Variants in RAB10 observed in about 807,000 individuals in gnomAD.
RAB10 encodes ras-related protein Rab-10.
A neutral mutation model predicts 25.7 loss-of-function variants in RAB10; 5 were observed. The ratio of observed to expected loss-of-function variants is 0.19; its 90% CI spans 0.10 to 0.41. The LOEUF (loss-of-function observed/expected upper bound fraction) is 0.41. RAB10 is among the 10% of genes least tolerant of loss of function. The probability of loss-of-function intolerance (pLI) is 1.00; values close to 1 mark genes in which losing one functional copy is unlikely to be tolerated. For missense variants in RAB10, 103 were observed against 245.8 expected (o/e 0.42, Z 3.89); for synonymous variants, 89 against 86.4 (o/e 1.03, Z -0.16).
At chr2:26,071,169 G>A (rs7569713) in intron 1 of RAB10, among the ~76,000 whole-genome samples, 149,415 of 152,310 alleles carry the variant, frequency 0.98, 73,307 homozygotes, top group African/African-American at 0.99. Flanking sequence ...TGAAATGGGA[G>A]GTAAATATAA....
At chr2:26,086,017 A>AGG (rs1376178404) in intron 1 of RAB10, among the ~76,000 whole-genome samples, 1,108 of 71,348 alleles carry the variant, frequency 0.016, 15 homozygotes, top group East Asian at 0.068. Context: ...AAAAAAAAAA[A>AGG]GGGGGGGGGC....
intron 1 of RAB10, among the ~76,000 whole-genome samples, chr2:26,072,239 A>G (rs1168703562): frequency 6.6e-6 from 1 of 152,130 alleles, no homozygotes; most frequent in African/African-American, 2.4e-5. Context: ...CAACATGGTG[A>G]AACTGGTCTC....
chr2:26,125,746 G>C (rs1667890704), intron 3 of RAB10, among the ~76,000 whole-genome samples: 1 of 151,900 alleles, frequency 6.6e-6, no homozygotes, highest in Non-Finnish European at 1.5e-5. Context: ...GGAGTTTTAG[G>C]TGTTTTTTAT....
intron 2 of RAB10, among the ~76,000 whole-genome samples, chr2:26,101,032 G>A (rs1230473244): frequency 1.3e-5 from 2 of 152,170 alleles, no homozygotes; most frequent in Non-Finnish European, 2.9e-5. Flanking sequence ...AGAATGATCA[G>A]GGAGGTCCTC....
chr2:26,061,669 G>A (rs1166482381), intron 1 of RAB10, among the ~76,000 whole-genome samples: 1 of 151,638 alleles, frequency 6.6e-6, no homozygotes, highest in Non-Finnish European at 1.5e-5. Context: ...GTAATTATAG[G>A]TGTGAGTCAT....
chr2:26,127,016 G>T, intron 3 of RAB10, 128 bp from the exon 4 acceptor site: 1 of 659,238 alleles, frequency 1.5e-6, no homozygotes. Context: ...AGTAGTTTTA[G>T]GGTGACTGCT....
chr2:26,134,820 C>T (rs1330667797), intron 5 of RAB10, 118 bp from the exon 6 acceptor site: 2 of 745,248 alleles, frequency 2.7e-6, no homozygotes, highest in African/African-American at 3.6e-5. Context: ...AAACCTATCT[C>T]CTGTGATTGT....
intron 3 of RAB10, among the ~76,000 whole-genome samples, chr2:26,117,340 C>CG (rs1559597694): frequency 6.6e-6 from 1 of 151,704 alleles, no homozygotes; most frequent in East Asian, 1.9e-4. Flanking sequence ...GGTCCGGGTG[C>CG]GGGGGGCTCA....
At chr2:26,048,399 T>C (rs755257596) in intron 1 of RAB10, among the ~76,000 whole-genome samples, 51 of 152,214 alleles carry the variant, frequency 3.4e-4, no homozygotes, top group Non-Finnish European at 6.9e-4. Context: ...TTTTGTACTG[T>C]AGTCATTCTG....
At chr2:26,110,156 G>T (rs1667540250) in intron 3 of RAB10, among the ~76,000 whole-genome samples, 1 of 152,034 alleles carries the variant, frequency 6.6e-6, no homozygotes, top group Non-Finnish European at 1.5e-5. Flanking sequence ...GGCCAACATG[G>T]TGAAACCCCA....
chr2:26,127,281 A>T (rs929463667), intron 4 of RAB10, 48 bp downstream of exon 4: 1 of 1,336,750 alleles, frequency 7.5e-7, no homozygotes, highest in African/African-American at 1.5e-5. Context: ...TTGTAAAGGT[A>T]ATGCTACTTT....
intron 1 of RAB10, among the ~76,000 whole-genome samples, chr2:26,065,078 A>C (rs554274929): frequency 1.3e-5 from 2 of 152,192 alleles, no homozygotes; most frequent in Non-Finnish European, 2.9e-5. Flanking sequence ...AGAGTGTTTC[A>C]GTTTGGATAA....
At chr2:26,046,515 A>G (rs1168967521) in intron 1 of RAB10, among the ~76,000 whole-genome samples, 1 of 152,124 alleles carries the variant, frequency 6.6e-6, no homozygotes, top group Admixed American at 6.5e-5. Context: ...GAAAAATAAT[A>G]TTTTTGAGGA....
rs572496876 is a variant in RAB10, at chr2:26,070,854, C to T, written c.128-27808C>T. 3.9e-5 allele frequency among the ~76,000 whole-genome samples: 6 copies of T among 152,198 alleles called. No individual in the cohort carries two copies. In the East Asian group the frequency reaches 1.2e-3, roughly 29 times the overall value. Reference sequence around the variant, plus strand: ...CAGTGGTTTTCAACATGTGGATCCCCACTGACCACCACCTAGGGAGTTTTT... The same window carrying T: ...CAGTGGTTTTCAACATGTGGATCCCTACTGACCACCACCTAGGGAGTTTTT... On this transcript the variant is annotated intron_variant, in intron 1 of 5. Transcript: ENST00000264710.
chr2:26,085,055 T>C (rs2149275145), intron 1 of RAB10, among the ~76,000 whole-genome samples: 1 of 152,334 alleles, frequency 6.6e-6, no homozygotes, highest in South Asian at 2.1e-4. Flanking sequence ...CCAGAATTTT[T>C]CAGTATCAAG....
In RAB10 at chr2:26,071,950, T is replaced by C. The variant is rs148557627; in HGVS notation, c.128-26712T>C. On this transcript the variant is annotated intron_variant, in intron 1 of 5. Transcript: ENST00000264710. ...GACAGCTTTTCTGTACATACTCTCTTGATGAGGTCCATGGTGATAATATTA... is the reference window on the plus strand; with the variant it reads ...GACAGCTTTTCTGTACATACTCTCTCGATGAGGTCCATGGTGATAATATTA... Among the ~76,000 whole-genome samples the C allele has an allele frequency of 5.7e-3, 871 of 152,338 alleles. 4 individuals are homozygous for C. The highest frequency in any genetic ancestry group is 9.6e-3 in the Non-Finnish European group (650 of 68,032).
intron 3 of RAB10, 29 bp downstream of exon 3, chr2:26,109,935 C>T (rs1159978981): frequency 6.6e-7 from 1 of 1,525,626 alleles, no homozygotes; most frequent in Admixed American, 2.1e-5. Flanking sequence ...ATAAACCCTT[C>T]ATGAACACAC....
intron 2 of RAB10, among the ~76,000 whole-genome samples, chr2:26,103,825 A>G (rs1043326069): frequency 1.3e-5 from 2 of 152,168 alleles, no homozygotes; most frequent in African/African-American, 4.8e-5. Context: ...AATAGATGGA[A>G]TCATATAATA....
intron 3 of RAB10, among the ~76,000 whole-genome samples, chr2:26,117,003 GT>G (rs1346538888): frequency 2.0e-5 from 3 of 152,010 alleles, no homozygotes; most frequent in Non-Finnish European, 4.4e-5. Flanking sequence ...ACAAATACAA[GT>G]TTTCTGTTCC....
Sources: gnomAD v4.1 joint callset for allele counts (sites outside exome capture counted in the v4.1 genomes callset) on GRCh38, gnomAD v4.1.1 for gene constraint, MANE v1.5 for transcripts, NCBI Gene and HGNC (gene_info 2026-07-23, HGNC 2026-07-21) for gene names.